EFCAB8: variants seen among roughly 807,000 people sequenced by gnomAD.
EFCAB8 encodes the protein EF-hand calcium-binding domain-containing protein 8.
A neutral mutation model predicts 116.3 loss-of-function variants in EFCAB8; 100 were observed. The ratio of observed to expected loss-of-function variants is 0.86; its 90% CI spans 0.73 to 1.02. The LOEUF (loss-of-function observed/expected upper bound fraction) is 1.02. Among genes scored for constraint, EFCAB8 ranks in the 50% least tolerant of loss-of-function variants. The pLI, the probability that EFCAB8 is intolerant of heterozygous loss-of-function variation, is 0.00. For synonymous variants in EFCAB8, 558 were observed against 567.9 expected (o/e 0.98, Z 0.25); for missense variants, 1,320 against 1,416.9 (o/e 0.93, Z 1.10).
intron 3 of EFCAB8, among the ~76,000 whole-genome samples, chr20:32,874,225 T>C (rs1033831495): frequency 2.0e-5 from 3 of 151,926 alleles, no homozygotes; most frequent in African/African-American, 7.3e-5. Flanking sequence ...CCAGCCTTTA[T>C]TTTATTTATT....
Position 32,959,961 on chromosome 20 carries a change from G to A in EFCAB8, c.3273G>A (p.Lys1091=). The A allele has an allele frequency of 1.9e-6, 3 of 1,551,750 alleles. No homozygotes were observed. The highest frequency in any genetic ancestry group is 2.6e-6 in the Non-Finnish European group (3 of 1,147,002). The change falls in exon 25 of 27, where the codon AAG becomes AAA. Residue 1091 remains lysine, a synonymous_variant. Coordinates refer to ENST00000400522, the MANE Select transcript of EFCAB8 (RefSeq NM_001143967.2). ...AAGACATTGAGGACAGCTGGAACAA[G>A]TGGGAGTCCAGGGACAAGCAGGTGA... ...PLEDIEDSWN[K]WESRDKQVSK... is the part of the protein sequence containing the mutation.
rs1209010295 is a variant in EFCAB8, at chr20:32,961,419, C to T, written c.3677C>T (p.Ser1226Phe). The change falls in exon 27 of 27, where the codon TCC becomes TTC. Residue 1226 changes from serine to phenylalanine, a missense_variant. Transcript: ENST00000400522. ...CCCACCTTCCTGACGCCCCAGTTCT[C>T]CTTCTTGCTGCGGCCCCAGTCAGCC... ...SLPTFLTPQF[S>F]FLLRPQSAST... 5 of 1,457,458 alleles carry T rather than the reference C, an allele frequency of 3.4e-6. No individual in the cohort carries two copies. In the East Asian group the frequency reaches 7.5e-5, roughly 22 times the overall value. The allele number at this position is 1,457,458 out of a possible 1,614,324, so 90.3% of individuals were successfully genotyped here. A position where few individuals can be genotyped will look rare whatever the true frequency, so the allele number is the denominator to read the frequency against.
chr20:32,948,533 A>AAAGG (rs1988682176), intron 23 of EFCAB8, among the ~76,000 whole-genome samples: 1 of 85,014 alleles, frequency 1.2e-5, no homozygotes, highest in African/African-American at 5.8e-5. Context: ...AAAAAGAAAG[A>AAAGG]AAGAAAGAAA....
intron 16 of EFCAB8, among the ~76,000 whole-genome samples, 151 bp downstream of exon 16, chr20:32,911,858 G>T (rs1379609240): frequency 6.6e-6 from 1 of 152,192 alleles, no homozygotes; most frequent in Non-Finnish European, 1.5e-5. Context: ...CTGAGCCTCT[G>T]TGTCCTCATG....
chr20:32,938,167 C>T (rs1384215466), intron 22 of EFCAB8, among the ~76,000 whole-genome samples: 3 of 149,830 alleles, frequency 2.0e-5, no homozygotes, highest in Non-Finnish European at 4.5e-5. Context: ...TATCCAAAAT[C>T]AATTAATGTA....
chr20:32,945,921 C>T (rs1326502200), intron 23 of EFCAB8, among the ~76,000 whole-genome samples: 2 of 152,210 alleles, frequency 1.3e-5, no homozygotes, highest in African/African-American at 2.4e-5. Context: ...ACTGCAAGTT[C>T]TCTAGAGCGG....
intron 23 of EFCAB8, among the ~76,000 whole-genome samples, chr20:32,955,870 T>C (rs553165981): frequency 2.0e-5 from 3 of 152,338 alleles, no homozygotes; most frequent in South Asian, 4.1e-4. Context: ...TCTGTTCTTA[T>C]ATTTGTGTGC....
Position 32,917,422 on chromosome 20 carries a change from A to G in EFCAB8, c.1978A>G (p.Ile660Val). 7 of 1,552,086 alleles carry G rather than the reference A, an allele frequency of 4.5e-6. No homozygotes were observed. Among genetic ancestry groups the G allele is most frequent in the South Asian group, 1.2e-5 (1 of 84,058 alleles). The change falls in exon 18 of 27, where the codon ATC becomes GTC. Residue 660 changes from isoleucine to valine, a missense_variant. Coordinates refer to ENST00000400522, the MANE Select transcript of EFCAB8 (RefSeq NM_001143967.2). ...TGGGACCTCCTCCTACAGTGGGGAC[A>G]TCCTCTTCTGGAACACCGGCACACT... ...FLGTSSYSGDILFWNTGTLKP... is the reference protein window; with the variant it reads ...FLGTSSYSGDVLFWNTGTLKP...
intron 11 of EFCAB8, among the ~76,000 whole-genome samples, chr20:32,899,413 A>AG (rs1292969223): frequency 6.6e-6 from 1 of 151,184 alleles, no homozygotes; most frequent in African/African-American, 2.4e-5. Flanking sequence ...TCAAAAAAAA[A>AG]AAAAAAAAGA....
In EFCAB8 at chr20:32,960,077, G is replaced by T. The variant is rs771590379; in HGVS notation, c.3309G>T (p.Leu1103Phe). The change falls in exon 26 of 27, where the codon TTG becomes TTT. Residue 1103 changes from leucine (L) to phenylalanine (F), a missense_variant. Coordinates refer to ENST00000400522, the MANE Select transcript of EFCAB8 (RefSeq NM_001143967.2). The part of the protein sequence containing the change: ...ESRDKQVSKV[L>F]GAAYKPKERL... ...GGCTCCTGCAGGTGAGCAAAGTCTT[G>T]GGAGCGGCGTATAAGCCCAAGGAAC... 17 of 1,551,580 alleles carry T rather than the reference G, an allele frequency of 1.1e-5. No individual in the cohort carries two copies. The East Asian group carries it at 3.7e-4, about 33-fold the overall frequency.
At chr20:32,895,634 C>T (rs1311040559) in intron 9 of EFCAB8, among the ~76,000 whole-genome samples, 3 of 147,678 alleles carry the variant, frequency 2.0e-5, no homozygotes, top group Admixed American at 1.4e-4. Flanking sequence ...TGCAATGGTG[C>T]GATCTTGGCT....
At chr20:32,880,273 T>TG (rs1431757679) in intron 5 of EFCAB8, among the ~76,000 whole-genome samples, 1 of 45,460 alleles carries the variant, frequency 2.2e-5, no homozygotes, top group East Asian at 2.4e-4. Context: ...CAAGGGTAAC[T>TG]TTTTTTTTTT....
At chr20:32,867,791 C>A in intron 3 of EFCAB8, 44 bp downstream of exon 3, 2 of 1,535,622 alleles carry the variant, frequency 1.3e-6, no homozygotes, top group Non-Finnish European at 1.8e-6. Context: ...AGTTCTGCAA[C>A]AGGGCAGGAC....
chr20:32,951,031 C>A (rs1309612776), intron 23 of EFCAB8, among the ~76,000 whole-genome samples: 1 of 152,178 alleles, frequency 6.6e-6, no homozygotes, highest in Admixed American at 6.5e-5. Context: ...CTAATTAAAA[C>A]CGCTGTAAGA....
At chr20:32,955,503 G>GA (rs1988937891) in intron 23 of EFCAB8, among the ~76,000 whole-genome samples, 1 of 152,148 alleles carries the variant, frequency 6.6e-6, no homozygotes, top group Non-Finnish European at 1.5e-5. Context: ...CTGCGCTGCT[G>GA]TACTCCAGCT....
At chr20:32,889,976 G>C (rs1600388742) in intron 7 of EFCAB8, among the ~76,000 whole-genome samples, 1 of 147,944 alleles carries the variant, frequency 6.8e-6, no homozygotes, top group East Asian at 2.0e-4. Context: ...ACTCCAGCAT[G>C]GGCGACAGAG....
chr20:32,880,162 GACCC>G (rs1985249564), intron 5 of EFCAB8, among the ~76,000 whole-genome samples: 1 of 152,184 alleles, frequency 6.6e-6, no homozygotes, highest in Admixed American at 6.5e-5. Context: ...AAGAGGACCA[GACCC>G]AGACCAGGCC....
intron 5 of EFCAB8, among the ~76,000 whole-genome samples, chr20:32,884,058 C>G (rs6120012): frequency 0.17 from 26,495 of 152,010 alleles, 2,492 homozygotes; most frequent in South Asian, 0.27. Flanking sequence ...TTCTTTGGGC[C>G]ATTTAGATCT....
chr20:32,884,712 G>A (rs1481524513), intron 5 of EFCAB8, among the ~76,000 whole-genome samples: 1 of 152,202 alleles, frequency 6.6e-6, no homozygotes, highest in East Asian at 1.9e-4. Context: ...CATAACTCCA[G>A]GCAAATGATT....
Sources: allele counts gnomAD v4.1 joint callset (sites outside exome capture counted in the v4.1 genomes callset), GRCh38; gene constraint gnomAD v4.1.1; transcripts MANE v1.5; gene names NCBI Gene and HGNC (gene_info 2026-07-23, HGNC 2026-07-21).